The following CHPF2 variants were observed in gnomAD, a reference collection of about 807,000 sequenced individuals.
CHPF2 encodes the protein chondroitin polymerizing factor 2.
In CHPF2, 58 loss-of-function variants were observed where a neutral mutation model predicts 63.0. That is an observed-to-expected ratio of 0.92 (90% confidence interval 0.75 to 1.15). CHPF2 has a LOEUF of 1.15. Among genes scored for constraint, CHPF2 ranks in the 50% most tolerant of loss-of-function variants. The pLI, the probability that CHPF2 is intolerant of heterozygous loss-of-function variation, is 0.00. For synonymous variants in CHPF2, 442 were observed against 438.0 expected (o/e 1.01, Z -0.11); for missense variants, 1,045 against 1,035.4 (o/e 1.01, Z -0.13).
Position 151,233,365 on chromosome 7 carries a change from G to GA in CHPF2, c.-646dup, listed in dbSNP as rs777445642. On this transcript the variant is annotated 5_prime_UTR_variant, in exon 1 of 4. Coordinates refer to ENST00000035307, the MANE Select transcript of CHPF2 (RefSeq NM_019015.3). ...GTGGCTCCAGACCGCTCCTGAGTGGGAGGAGGGGTTCCTGTAGCCGTTGCG... is the reference window on the plus strand; with the variant it reads ...GTGGCTCCAGACCGCTCCTGAGTGGGAAGGAGGGGTTCCTGTAGCCGTTGCG... 7.1e-6 allele frequency: 7 copies of GA among 985,854 alleles called. No homozygotes were observed. Among genetic ancestry groups the GA allele is most frequent in the Middle Eastern group, 5.2e-4 (1 of 1,936 alleles). 61.1% of individuals were successfully genotyped at this position (985,854 alleles called of 1,614,324 possible). A position where few individuals can be genotyped will look rare whatever the true frequency, so the allele number is the denominator to read the frequency against.
chr7:151,232,508 G>A lies in CHPF2; in HGVS notation c.-1504G>A, dbSNP rs1391935610. 1 of 501,046 alleles carries A rather than the reference G, an allele frequency of 2.0e-6. No individual in the cohort carries two copies. The highest frequency in any genetic ancestry group is 2.1e-5 in the African/African-American group (1 of 48,658). The allele number at this position is 501,046 out of a possible 1,614,324, so 31.0% of individuals were successfully genotyped here. ...AGAGGAAGCTGCGGACAGGGGCTGT[G>A]AGGTGGCAGCGGCTGCAGCGGCGGA... On this transcript the variant is annotated 5_prime_UTR_variant, in exon 1 of 4. Transcript: ENST00000035307.
chr7:151,232,524 C>T lies in CHPF2; in HGVS notation c.-1488C>T, dbSNP rs989420902. 7.9e-6 allele frequency: 4 copies of T among 504,066 alleles called. No homozygotes were observed. Among genetic ancestry groups the T allele is most frequent in the African/African-American group, 6.1e-5 (3 of 48,788 alleles). 31.2% of individuals were successfully genotyped at this position (504,066 alleles called of 1,614,324 possible). A position where few individuals can be genotyped will look rare whatever the true frequency, so the allele number is the denominator to read the frequency against. On this transcript the variant is annotated 5_prime_UTR_variant, in exon 1 of 4. Coordinates refer to ENST00000035307, the MANE Select transcript of CHPF2 (RefSeq NM_019015.3). ...AGGGGCTGTGAGGTGGCAGCGGCTG[C>T]AGCGGCGGAGCCGGCGCCTCAGCGG...
At chr7:151,236,976 A>G in intron 3 of CHPF2, 1 of 523,508 alleles carries the variant, frequency 1.9e-6, no homozygotes, top group South Asian at 1.5e-5. Flanking sequence ...AGAAAGCCCA[A>G]GGGTAGAAGG....
Position 151,232,513 on chromosome 7 carries a change from G to GGCAGCGGCT in CHPF2, c.-1490_-1482dup, listed in dbSNP as rs905503052. On this transcript the variant is annotated 5_prime_UTR_variant, in exon 1 of 4. Transcript: ENST00000035307. The stretch of plus-strand genomic sequence containing the variant: ...AAGCTGCGGACAGGGGCTGTGAGGT[G>GGCAGCGGCT]GCAGCGGCTGCAGCGGCGGAGCCGG... 13 of 500,756 alleles carry GGCAGCGGCT rather than the reference G, an allele frequency of 2.6e-5. No homozygotes were observed. Among genetic ancestry groups the GGCAGCGGCT allele is most frequent in the Non-Finnish European group, 4.2e-5 (12 of 285,042 alleles). The allele number at this position is 500,756 out of a possible 1,614,324, so 31.0% of individuals were successfully genotyped here.
At chr7:151,234,979 G>A (rs1453991894) in intron 1 of CHPF2, 69 bp from the exon 2 acceptor site, 36 of 1,257,352 alleles carry the variant, frequency 2.9e-5, no homozygotes, top group Non-Finnish European at 3.8e-5. Context: ...AGAGGGGGAT[G>A]TATATTCTGA....
chr7:151,233,312 G>A lies in CHPF2; in HGVS notation c.-700G>A. On this transcript the variant is annotated 5_prime_UTR_variant, in exon 1 of 4. It adds an upstream start codon to the 5' untranslated region. Coordinates refer to ENST00000035307, the MANE Select transcript of CHPF2 (RefSeq NM_019015.3). ...TGAGTCACCGATCTACCTCATTCGG[G>A]TGGGCAGAACTTATGTGTGCCATGC... is the stretch of plus-strand genomic sequence containing the variant. 2 of 987,162 alleles carry A rather than the reference G, an allele frequency of 2.0e-6. No individual in the cohort carries two copies. The highest frequency in any genetic ancestry group is 2.4e-6 in the Non-Finnish European group (2 of 831,064). 61.2% of individuals were successfully genotyped at this position (987,162 alleles called of 1,614,324 possible). A position where few individuals can be genotyped will look rare whatever the true frequency, so the allele number is the denominator to read the frequency against.
chr7:151,237,375 C>T lies in CHPF2; in HGVS notation c.1013C>T (p.Ala338Val). The change falls in exon 4 of 4, where the codon GCT becomes GTT. Residue 338 changes from alanine (A) to valine (V), a missense_variant and splice_region_variant. By Grantham distance (64) the Ala-to-Val change is moderately conservative (BLOSUM62 0). Coordinates refer to ENST00000035307, the MANE Select transcript of CHPF2 (RefSeq NM_019015.3). ...TGAGGTGCATTCCCTCCAACCCAGG[C>T]TCAGATCCGGAACCTGACCGTGCTG... Reference protein sequence around the residue: ...RAYSEIEQLQAQIRNLTVLTP... With the variant: ...RAYSEIEQLQVQIRNLTVLTP... 6.3e-7 allele frequency: 1 copy of T among 1,586,052 alleles called. No individual in the cohort carries two copies. The highest frequency in any genetic ancestry group is 8.6e-7 in the Non-Finnish European group (1 of 1,161,448).
At chr7:151,234,932 A>C (rs544340995) in intron 1 of CHPF2, 116 bp from the exon 2 acceptor site, 1 of 721,664 alleles carries the variant, frequency 1.4e-6, no homozygotes, top group Admixed American at 2.9e-5. Flanking sequence ...ATTGACAAGG[A>C]AGGAAGTTTC....
intron 1 of CHPF2, among the ~76,000 whole-genome samples, chr7:151,234,841 C>A (rs1802582847): frequency 6.8e-6 from 1 of 146,392 alleles, no homozygotes; most frequent in South Asian, 2.2e-4. Context: ...CCTACCTAAT[C>A]TATCCTTGGT....
Position 151,232,896 on chromosome 7 carries a change from A to G in CHPF2, c.-1116A>G, listed in dbSNP as rs1802513310. On this transcript the variant is annotated 5_prime_UTR_variant, in exon 1 of 4. Coordinates refer to ENST00000035307, the MANE Select transcript of CHPF2 (RefSeq NM_019015.3). The stretch of plus-strand genomic sequence containing the variant: ...AGCTGGTCTCCCGAGCCCCCTTCTC[A>G]GCAGCCCGGTGACGTGGCCAGTTTA... 6 of 1,376,606 alleles carry G rather than the reference A, an allele frequency of 4.4e-6. No individual in the cohort carries two copies. The highest frequency in any genetic ancestry group is 5.6e-6 in the Non-Finnish European group (6 of 1,069,804). The allele number at this position is 1,376,606 out of a possible 1,614,324, so 85.3% of individuals were successfully genotyped here.
At position 151,238,124 on chromosome 7, in the gene CHPF2, ACT is replaced by A. The variant is rs754857883; in HGVS notation, c.1767_1768del (p.Phe590LeufsTer55). On this transcript the variant is annotated frameshift_variant, in exon 4 of 4. Transcript: ENST00000035307. LOFTEE classifies it high-confidence loss of function. Reference sequence around the variant, plus strand: ...GGTCTCGAAGAAGCACCCTGTGGACACTCTCTTCTTCCTTACCACCGTGTGGA... The same window carrying A: ...GGTCTCGAAGAAGCACCCTGTGGACACTCTTCTTCCTTACCACCGTGTGGA... ...DVVSKKHPVD[T>X]LFFLTTVWTR... 11 of 1,612,002 alleles carry A rather than the reference ACT, an allele frequency of 6.8e-6. No individual in the cohort carries two copies. The highest frequency in any genetic ancestry group is 6.7e-5 in the East Asian group (3 of 44,882).
rs758201156 is a variant in CHPF2 at position 151,235,444 on chromosome 7, C to T, written c.660C>T (p.Ala220=). 1.2e-6 allele frequency: 2 copies of T among 1,612,146 alleles called. No homozygotes were observed. Among genetic ancestry groups the T allele is most frequent in the Non-Finnish European group, 1.7e-6 (2 of 1,180,024 alleles). ...AEEFIGAGEQ[A]RYCHGGFGYL... is the part of the protein sequence containing the mutation. ...AGTTCATTGGCGCAGGCGAGCAGGC[C>T]CGGTACTGTCATGGGGGCTTTGGCT... The change falls in exon 2 of 4, where the codon GCC becomes GCT. Residue 220 remains alanine (A), a synonymous_variant. Coordinates refer to ENST00000035307, the MANE Select transcript of CHPF2 (RefSeq NM_019015.3).
Position 151,232,668 on chromosome 7 carries a change from G to T in CHPF2, c.-1344G>T. ...CCCGGGACGCCGGGAGACCCCGGCC[G>T]TCCTTTATCCGGTGTCCGCCGGCCC... On this transcript the variant is annotated 5_prime_UTR_variant, in exon 1 of 4. Coordinates refer to ENST00000035307, the MANE Select transcript of CHPF2 (RefSeq NM_019015.3). 1.5e-6 allele frequency: 2 copies of T among 1,295,558 alleles called. No homozygotes were observed. The highest frequency in any genetic ancestry group is 2.1e-6 in the Non-Finnish European group (2 of 965,170). 80.3% of individuals were successfully genotyped at this position (1,295,558 alleles called of 1,614,324 possible).
rs368517949 is a variant in CHPF2, at chr7:151,233,337, C to G, written c.-675C>G. 4.1e-6 allele frequency: 4 copies of G among 986,254 alleles called. No individual in the cohort carries two copies. The highest frequency in any genetic ancestry group is 4.8e-6 in the Non-Finnish European group (4 of 830,448). 61.1% of individuals were successfully genotyped at this position (986,254 alleles called of 1,614,324 possible). A position where few individuals can be genotyped will look rare whatever the true frequency, so the allele number is the denominator to read the frequency against. ...GTGGGCAGAACTTATGTGTGCCATGCGAGTGGCTCCAGACCGCTCCTGAGT... is the reference window on the plus strand; with the variant it reads ...GTGGGCAGAACTTATGTGTGCCATGGGAGTGGCTCCAGACCGCTCCTGAGT... On this transcript the variant is annotated 5_prime_UTR_variant, in exon 1 of 4. Transcript: ENST00000035307.
chr7:151,236,573 G>A lies in CHPF2; in HGVS notation c.994G>A (p.Glu332Lys). 6.3e-7 allele frequency: 1 copy of A among 1,586,196 alleles called. No homozygotes were observed. The highest frequency in any genetic ancestry group is 1.3e-5 in the African/African-American group (1 of 74,190). Residue 332 changes from glutamate (E) to lysine (K), a missense_variant, in exon 3 of 4, where the codon GAA (glutamate) becomes AAA (lysine). Physicochemically the swap from Glu to Lys is moderately conservative, Grantham distance 56. Coordinates refer to ENST00000035307, the MANE Select transcript of CHPF2 (RefSeq NM_019015.3). ...TCTGGAGTTGGAGCGGGCTTACAGT[G>A]AAATAGAACAACTGCAGGTGAGCTG... ...SALELERAYS[E>K]IEQLQAQIRN...
Position 151,233,641 on chromosome 7 carries a change from C to G in CHPF2, c.-371C>G. On this transcript the variant is annotated 5_prime_UTR_variant, in exon 1 of 4. Coordinates refer to ENST00000035307, the MANE Select transcript of CHPF2 (RefSeq NM_019015.3). ...TGTCATCTGTTGACTTAGGCCCAGT[C>G]TGCAGATGTGTGTAGTGTTCCTTTT... 9.9e-7 allele frequency: 1 copy of G among 1,009,632 alleles called. No homozygotes were observed. The highest frequency in any genetic ancestry group is 1.2e-6 in the Non-Finnish European group (1 of 846,550). 62.5% of individuals were successfully genotyped at this position (1,009,632 alleles called of 1,614,324 possible).
rs199523114 is a variant in CHPF2, at chr7:151,237,725, C to T, written c.1363C>T (p.Gln455Ter). 2.6e-4 allele frequency: 414 copies of T among 1,612,870 alleles called. No homozygotes were observed. Among genetic ancestry groups the T allele is most frequent in the Non-Finnish European group, 3.3e-4 (394 of 1,179,906 alleles). Reference protein sequence around the residue: ...TLDLLLECVTQRGHRRALARR... With the variant: ...TLDLLLECVT ...GGACCTGCTGTTGGAATGTGTGACACAGCGTGGGCACCGGCGGGCCCTGGC... is the reference window on the plus strand; with the variant it reads ...GGACCTGCTGTTGGAATGTGTGACATAGCGTGGGCACCGGCGGGCCCTGGC... Residue 455 changes from glutamine (Q) to a stop codon, truncating the protein, a stop_gained, in exon 4 of 4, where the codon CAG (glutamine) becomes TAG (stop). Transcript: ENST00000035307. LOFTEE classifies it high-confidence loss of function.
Position 151,237,785 on chromosome 7 carries a change from G to C in CHPF2, c.1423G>C (p.Val475Leu), listed in dbSNP as rs1167589526. ...RVSLLRPLSR[V>L]EILPMPYVTE... ...CAGCCTGCTGCGGCCACTGAGCCGG[G>C]TGGAAATCCTACCTATGCCCTATGT... Residue 475 changes from valine (V) to leucine (L), a missense_variant, in exon 4 of 4, where the codon GTG becomes CTG. Transcript: ENST00000035307. 1 of 1,612,554 alleles carries C rather than the reference G, an allele frequency of 6.2e-7. No individual in the cohort carries two copies. The highest frequency in any genetic ancestry group is 8.5e-7 in the Non-Finnish European group (1 of 1,179,954).
intron 3 of CHPF2, 119 bp downstream of exon 3, chr7:151,236,709 A>C: frequency 1.0e-6 from 1 of 957,250 alleles, no homozygotes; most frequent in Non-Finnish European, 1.5e-6. Flanking sequence ...GGCCCTGTAT[A>C]ATGGCAGGGC....
Sources: allele counts gnomAD v4.1 joint callset (sites outside exome capture counted in the v4.1 genomes callset), GRCh38; gene constraint gnomAD v4.1.1; transcripts MANE v1.5; gene names NCBI Gene and HGNC (gene_info 2026-07-23, HGNC 2026-07-21).